The following LGSN variants were observed in gnomAD, a reference collection of about 807,000 sequenced individuals.
LGSN encodes the protein lengsin, lens protein with glutamine synthetase domain.
Under a neutral mutation model 19.5 loss-of-function variants are expected in LGSN, and 21 were observed. That is an observed-to-expected ratio of 1.07 (90% CI 0.76 to 1.55). The LOEUF is 1.55. Among genes scored for constraint, LGSN ranks in the 40% most tolerant of loss-of-function variants. The pLI is 0.00. For missense variants in LGSN, 673 were observed against 608.5 expected (o/e 1.11, Z -1.12); for synonymous variants, 257 against 215.6 (o/e 1.19, Z -1.68).
the LGSN span, among the ~76,000 whole-genome samples, chr6:63,546,098 A>G: frequency 1.3e-5 from 2 of 152,206 alleles, no homozygotes; most frequent in Non-Finnish European, 2.9e-5. Flanking sequence ...CATCATTCAC[A>G]ATAGCCAACA....
intron 1 of LGSN, among the ~76,000 whole-genome samples, chr6:63,304,201 A>G (rs1234849630): frequency 6.6e-6 from 1 of 152,222 alleles, no homozygotes; most frequent in Non-Finnish European, 1.5e-5. Flanking sequence ...TCAGAAACAG[A>G]ACATCAGTCC....
the LGSN span, among the ~76,000 whole-genome samples, chr6:63,357,375 A>G: frequency 6.6e-6 from 1 of 152,170 alleles, no homozygotes; most frequent in African/African-American, 2.4e-5. Flanking sequence ...GTCAAATGGT[A>G]TTTCTAGTTC....
intron 1 of LGSN, among the ~76,000 whole-genome samples, chr6:63,312,116 G>A (rs1421973010): frequency 6.6e-6 from 1 of 152,118 alleles, no homozygotes; most frequent in Non-Finnish European, 1.5e-5. Flanking sequence ...GCTAATTATT[G>A]CCTGTTTAAG....
chr6:63,407,168 A>T, the LGSN span, among the ~76,000 whole-genome samples: 7 of 152,092 alleles, frequency 4.6e-5, no homozygotes, highest in African/African-American at 9.7e-5. Flanking sequence ...AATCCTCCCT[A>T]ACTCATTTTA....
At chr6:63,552,559 T>C in the LGSN span, among the ~76,000 whole-genome samples, 1 of 152,230 alleles carries the variant, frequency 6.6e-6, no homozygotes, top group South Asian at 2.1e-4. Flanking sequence ...TTTGTTAATT[T>C]TGGCTTTTGT....
the LGSN span, among the ~76,000 whole-genome samples, chr6:63,352,983 C>T: frequency 1.0e-3 from 155 of 152,154 alleles, no homozygotes; most frequent in African/African-American, 3.6e-3. Flanking sequence ...GCGCAACAAC[C>T]TCCATCTGTC....
chr6:63,515,424 T>C, the LGSN span, among the ~76,000 whole-genome samples: 5 of 151,766 alleles, frequency 3.3e-5, no homozygotes, highest in South Asian at 1.0e-3. Context: ...AGGGATGGGG[T>C]TTCACCATGT....
the LGSN span, among the ~76,000 whole-genome samples, chr6:63,534,704 T>G: frequency 2.0e-3 from 298 of 151,354 alleles, 2 homozygotes; most frequent in African/African-American, 6.9e-3. Context: ...CCCCAGCACT[T>G]TGGGAGGCTG....
At chr6:63,361,609 G>A in the LGSN span, among the ~76,000 whole-genome samples, 1 of 152,192 alleles carries the variant, frequency 6.6e-6, no homozygotes, top group Non-Finnish European at 1.5e-5. Context: ...CTTCCTGGGT[G>A]AGGCAATGCC....
chr6:63,293,240 C>T (rs1299363146), intron 2 of LGSN, among the ~76,000 whole-genome samples: 3 of 152,094 alleles, frequency 2.0e-5, no homozygotes, highest in East Asian at 3.9e-4. Flanking sequence ...CAAGTGATCT[C>T]CCCTCCTCAG....
At chr6:63,545,104 G>A in the LGSN span, among the ~76,000 whole-genome samples, 4 of 152,068 alleles carry the variant, frequency 2.6e-5, no homozygotes, top group African/African-American at 9.7e-5. Context: ...TTCCCTTCTT[G>A]CTCAAATACT....
chr6:63,519,988 TAG>T, the LGSN span, among the ~76,000 whole-genome samples: 9 of 152,354 alleles, frequency 5.9e-5, no homozygotes, highest in South Asian at 1.9e-3. Flanking sequence ...TATAAACCTG[TAG>T]ACTGATTTAA....
At chr6:63,479,229 T>C in the LGSN span, among the ~76,000 whole-genome samples, 1 of 152,098 alleles carries the variant, frequency 6.6e-6, no homozygotes, top group African/African-American at 2.4e-5. Context: ...TCAAAGCGTA[T>C]CAGCAAGGGA....
At chr6:63,452,928 TG>T in the LGSN span, among the ~76,000 whole-genome samples, 7,162 of 152,176 alleles carry the variant, frequency 0.047, 578 homozygotes, top group African/African-American at 0.16. Flanking sequence ...ATGCATTTAA[TG>T]TTATAACTTT....
the LGSN span, among the ~76,000 whole-genome samples, chr6:63,346,193 T>C: frequency 0.019 from 2,922 of 151,944 alleles, 55 homozygotes; most frequent in Middle Eastern, 0.034. Flanking sequence ...TCCTGGGTGA[T>C]AGGAGTGTCT....
the LGSN span, among the ~76,000 whole-genome samples, chr6:63,343,002 C>CA: frequency 1.3e-5 from 2 of 151,418 alleles, no homozygotes; most frequent in African/African-American, 4.9e-5. Flanking sequence ...TGCTTCCTCT[C>CA]AAACATATGA....
At chr6:63,351,324 T>G in the LGSN span, among the ~76,000 whole-genome samples, 2 of 151,892 alleles carry the variant, frequency 1.3e-5, no homozygotes, top group African/African-American at 4.8e-5. Flanking sequence ...CCTGAAAAGA[T>G]TAAGACAAAA....
the LGSN span, among the ~76,000 whole-genome samples, chr6:63,399,865 T>G: frequency 6.6e-6 from 1 of 152,246 alleles, no homozygotes; most frequent in East Asian, 1.9e-4. Context: ...CCAGCTATTT[T>G]TTTTTATTTA....
chr6:63,294,959 A>G lies in LGSN; in HGVS notation c.117T>C (p.Tyr39=), dbSNP rs1447877415. The part of the protein sequence containing the change: ...RRTRKKVTKP[Y]VCSTEVGETD... ...TTTCTCCCACTTCAGTTGAACAAAC[A>G]TATGGTTTAGTGACTTTCTTCCTTG... Residue 39 remains tyrosine (Y), a synonymous_variant, in exon 2 of 4, where the codon TAT becomes TAC. Transcript: ENST00000370657. 9 of 1,613,782 alleles carry G rather than the reference A, an allele frequency of 5.6e-6. No homozygotes were observed. Among genetic ancestry groups the G allele is most frequent in the Admixed American group, 1.7e-5 (1 of 59,998 alleles).
Sources: allele counts gnomAD v4.1 joint callset (sites outside exome capture counted in the v4.1 genomes callset), GRCh38; gene constraint gnomAD v4.1.1; transcripts MANE v1.5; gene names NCBI Gene and HGNC (gene_info 2026-07-23, HGNC 2026-07-21).